Variants in PCBP3 observed in about 807,000 individuals in gnomAD.
PCBP3 encodes poly(rC)-binding protein 3.
PCBP3 carries 25 observed loss-of-function variants against 52.7 expected under a neutral mutation model. The ratio of observed to expected loss-of-function variants is 0.47; its 90% CI spans 0.35 to 0.66. The LOEUF (loss-of-function observed/expected upper bound fraction) is 0.66. PCBP3 is among the 30% of genes least tolerant of loss of function. The pLI is 0.01. For missense variants in PCBP3, 391 were observed against 490.3 expected, an observed-to-expected ratio of 0.80 and a Z score of 1.91; for synonymous variants, 162 against 183.0, an observed-to-expected ratio of 0.89 and a Z score of 0.93.
chr21:45,797,446 C>CATTGATAGACGAGTGCATGGATCCGTAG, intron 4 of PCBP3, among the ~76,000 whole-genome samples: 3 of 2,434 alleles, frequency 1.2e-3, no homozygotes, highest in African/African-American at 3.1e-3. Context: ...CATGGATCCA[C>CATTGATAGACGAGTGCATGGATCCGTAG]AGAGAGTGAA....
intron 2 of PCBP3, among the ~76,000 whole-genome samples, chr21:45,705,918 G>A (rs1355468642): frequency 6.6e-6 from 1 of 152,228 alleles, no homozygotes; most frequent in Non-Finnish European, 1.5e-5. Context: ...AGGAGGCACA[G>A]AGCACGTCCC....
intron 5 of PCBP3, among the ~76,000 whole-genome samples, chr21:45,885,962 G>C (rs564014002): frequency 6.6e-6 from 1 of 152,208 alleles, no homozygotes; most frequent in African/African-American, 2.4e-5. Context: ...TGGATATTAC[G>C]TTATGAGACT....
chr21:45,935,709 G>T (rs193293578), intron 16 of PCBP3, among the ~76,000 whole-genome samples: 6 of 152,330 alleles, frequency 3.9e-5, no homozygotes, highest in Non-Finnish European at 8.8e-5. Flanking sequence ...CCCTCAGGAG[G>T]TTTGGGATTC....
intron 2 of PCBP3, among the ~76,000 whole-genome samples, chr21:45,670,886 C>T (rs913957290): frequency 6.6e-6 from 1 of 152,114 alleles, no homozygotes; most frequent in Non-Finnish European, 1.5e-5. Context: ...GGTGATTCGG[C>T]CCAGCTCCTC....
chr21:45,920,582 G>A (rs1221003761), intron 13 of PCBP3, among the ~76,000 whole-genome samples: 7 of 152,202 alleles, frequency 4.6e-5, no homozygotes. Flanking sequence ...AATCACCAAG[G>A]TGACAGTATT....
chr21:45,670,448 A>G lies in PCBP3; in HGVS notation c.-200+1496A>G, dbSNP rs554785553. Among the ~76,000 whole-genome samples, 83 of 152,304 alleles carry G rather than the reference A, an allele frequency of 5.4e-4. 2 individuals carry two copies. In the South Asian group the frequency reaches 0.014, roughly 25 times the overall value. On this transcript the variant is annotated intron_variant, in intron 2 of 17. Transcript: ENST00000681687. ...ATGGGTCACTAATTTCTTTTAGGCT[A>G]CTAGACATTTGTATTTGCAGAATAT...
At chr21:45,699,705 CAA>C (rs2082990643) in intron 2 of PCBP3, among the ~76,000 whole-genome samples, 1 of 152,192 alleles carries the variant, frequency 6.6e-6, no homozygotes, top group Non-Finnish European at 1.5e-5. Flanking sequence ...TGGCAACAGA[CAA>C]GAGAAGAGAG....
intron 4 of PCBP3, among the ~76,000 whole-genome samples, chr21:45,826,871 C>T (rs1286140918): frequency 2.6e-5 from 4 of 152,184 alleles, no homozygotes; most frequent in African/African-American, 4.8e-5. Flanking sequence ...TCTGCCTTGG[C>T]CAGACCTCCC....
Position 45,936,263 on chromosome 21 carries a change from G to C in PCBP3, c.909+958G>C, listed in dbSNP as rs530366080. On this transcript the variant is annotated intron_variant, in intron 16 of 17. Transcript: ENST00000681687. Reference sequence around the variant, plus strand: ...GAGGCAGAAGAGAGCAGGGTCGCCAGAGGAATGGACCATGAGGCTGTCTGG... The same window carrying C: ...GAGGCAGAAGAGAGCAGGGTCGCCACAGGAATGGACCATGAGGCTGTCTGG... Among the ~76,000 whole-genome samples, 12 of 152,346 alleles carry C rather than the reference G, an allele frequency of 7.9e-5. No homozygotes were observed. In the South Asian group the frequency reaches 2.5e-3, roughly 32 times the overall value.
Position 45,931,861 on chromosome 21 carries a change from C to A in PCBP3, c.856+1016C>A, listed in dbSNP as rs566535199. On this transcript the variant is annotated intron_variant, in intron 15 of 17. Transcript: ENST00000681687. ...GAAATGAATGAACACGTCGGCCATG[C>A]CGTCCTGAGATGAATGAACACATCG... 2.0e-5 allele frequency among the ~76,000 whole-genome samples: 3 copies of A among 152,172 alleles called. No homozygotes were observed. In the South Asian group the frequency reaches 6.2e-4, roughly 32 times the overall value.
At chr21:45,748,423 C>T (rs117296616) in intron 3 of PCBP3, among the ~76,000 whole-genome samples, 2,698 of 152,276 alleles carry the variant, frequency 0.018, 42 homozygotes, top group Non-Finnish European at 0.027. Context: ...TGATAGACTC[C>T]GGGAGCACTG....
intron 4 of PCBP3, among the ~76,000 whole-genome samples, chr21:45,809,464 G>A (rs797012075): frequency 2.6e-5 from 4 of 152,356 alleles, no homozygotes; most frequent in African/African-American, 9.6e-5. Context: ...GCGAGCAAGA[G>A]GAGGAAGGGG....
At chr21:45,653,239 T>C (rs1000419448) in intron 1 of PCBP3, among the ~76,000 whole-genome samples, 1 of 152,210 alleles carries the variant, frequency 6.6e-6, no homozygotes, top group Non-Finnish European at 1.5e-5. Flanking sequence ...ATACTAAATA[T>C]TCTGTTTAGC....
At chr21:45,691,242 A>G (rs2082442943) in intron 2 of PCBP3, among the ~76,000 whole-genome samples, 1 of 151,778 alleles carries the variant, frequency 6.6e-6, no homozygotes, top group Admixed American at 6.6e-5. Flanking sequence ...ATAACAAAAG[A>G]AGTCAGTACA....
chr21:45,918,376 C>T (rs1206450361), intron 13 of PCBP3: 1 of 125,712 alleles, frequency 8.0e-6, no homozygotes, highest in Non-Finnish European at 1.8e-5. Flanking sequence ...CTCAGATAAA[C>T]GGTCGGTGTA....
chr21:45,877,790 C>T (rs189702591), intron 5 of PCBP3, among the ~76,000 whole-genome samples: 24 of 149,116 alleles, frequency 1.6e-4, no homozygotes, highest in African/African-American at 5.1e-4. Flanking sequence ...AGTGAAACTC[C>T]GTCTTAAAAA....
chr21:45,940,923 A>G (rs2077400708), intron 17 of PCBP3, among the ~76,000 whole-genome samples: 1 of 152,062 alleles, frequency 6.6e-6, no homozygotes, highest in Non-Finnish European at 1.5e-5. Flanking sequence ...GTGGGATGGG[A>G]CGGGACGGGA....
chr21:45,860,445 CTG>C (rs2094466505), intron 5 of PCBP3, among the ~76,000 whole-genome samples: 1 of 152,182 alleles, frequency 6.6e-6, no homozygotes, highest in African/African-American at 2.4e-5. Flanking sequence ...ATGTTGCTGT[CTG>C]TGTTGAACAC....
At chr21:45,699,642 A>G (rs1038254862) in intron 2 of PCBP3, among the ~76,000 whole-genome samples, 6 of 152,218 alleles carry the variant, frequency 3.9e-5, no homozygotes, top group African/African-American at 1.4e-4. Context: ...ACAGTTCCAC[A>G]TGGCTGGGGA....
Sources: allele counts gnomAD v4.1 joint callset (sites outside exome capture counted in the v4.1 genomes callset), GRCh38; gene constraint gnomAD v4.1.1; transcripts MANE v1.5; gene names NCBI Gene and HGNC (gene_info 2026-07-23, HGNC 2026-07-21).